The following NECTIN3 variants were observed in gnomAD, a reference collection of about 807,000 sequenced individuals.
NECTIN3 encodes the protein nectin-3.
NECTIN3 carries 8 observed loss-of-function variants against 49.4 expected under a neutral mutation model. The observed-to-expected ratio is 0.16, with a 90% CI of 0.10 to 0.29. The LOEUF (loss-of-function observed/expected upper bound fraction) is 0.29. Ranked by LOEUF, NECTIN3 falls within the 10% of genes least tolerant of loss-of-function variation. The pLI, the probability that NECTIN3 is intolerant of heterozygous loss-of-function variation, is 1.00. For missense variants in NECTIN3, 581 were observed against 654.6 expected (o/e 0.89, Z 1.23); for synonymous variants, 277 against 241.1 (o/e 1.15, Z -1.38).
chr3:111,072,054 G>A lies in NECTIN3; in HGVS notation c.37G>A (p.Gly13Arg), dbSNP rs1425515374. 3.2e-6 allele frequency: 5 copies of A among 1,547,662 alleles called. No homozygotes were observed. The highest frequency in any genetic ancestry group is 4.4e-6 in the Non-Finnish European group (5 of 1,145,558). Residue 13 changes from glycine to arginine, a missense_variant, in exon 1 of 6, where the codon GGA becomes AGA. Physicochemically the swap from Gly to Arg is moderately radical, Grantham distance 125. Transcript: ENST00000485303. The part of the protein sequence containing the change: ...RTLRPSPLCP[G>R]GGKAQLSSAS... ...CCTGCGGCCGTCCCCGCTGTGTCCT[G>A]GAGGCGGCAAAGCACAACTTTCCTC...
intron 4 of NECTIN3, among the ~76,000 whole-genome samples, chr3:111,124,344 T>C (rs1172227663): frequency 6.6e-6 from 1 of 152,190 alleles, no homozygotes; most frequent in Non-Finnish European, 1.5e-5. Flanking sequence ...ATATAAGTCA[T>C]GTAACATAGA....
At chr3:111,193,472 A>T in intron 1 of NECTIN3, 1 of 1,315,814 alleles carries the variant, frequency 7.6e-7, no homozygotes, top group South Asian at 1.4e-5. Context: ...TGTCTCTCAT[A>T]TAAGAACAGT....
intron 7 of NECTIN3, among the ~76,000 whole-genome samples, chr3:111,154,200 A>G (rs1227391041): frequency 2.6e-5 from 4 of 152,098 alleles, no homozygotes; most frequent in African/African-American, 7.2e-5. Flanking sequence ...ATCCTTGGGA[A>G]ACTAACCACT....
chr3:111,123,337 G>A (rs993539516), intron 4 of NECTIN3, among the ~76,000 whole-genome samples: 9 of 151,502 alleles, frequency 5.9e-5, no homozygotes, highest in African/African-American at 2.2e-4. Context: ...TTTATTTTTT[G>A]GTTTGGTCTT....
intron 7 of NECTIN3, among the ~76,000 whole-genome samples, chr3:111,154,858 T>C (rs2107515399): frequency 6.6e-6 from 1 of 152,294 alleles, no homozygotes; most frequent in Non-Finnish European, 1.5e-5. Flanking sequence ...TTTTGAGAGT[T>C]CTTTATATAT....
chr3:111,103,562 G>T (rs1216622674), intron 1 of NECTIN3, among the ~76,000 whole-genome samples: 1 of 151,316 alleles, frequency 6.6e-6, no homozygotes, highest in African/African-American at 2.4e-5. Context: ...GATTAGAAAG[G>T]AAGTTTTATT....
chr3:111,109,739 C>T (rs2033375554), intron 1 of NECTIN3, among the ~76,000 whole-genome samples: 1 of 151,760 alleles, frequency 6.6e-6, no homozygotes, highest in South Asian at 2.1e-4. Context: ...TTAATATTTT[C>T]CCTCTTCAGT....
At chr3:111,108,168 C>T (rs1345055287) in intron 1 of NECTIN3, among the ~76,000 whole-genome samples, 1 of 150,634 alleles carries the variant, frequency 6.6e-6, no homozygotes, top group African/African-American at 2.4e-5. Flanking sequence ...TTGATAGTTA[C>T]ATTAGTATTT....
chr3:111,188,453 T>C (rs2035759178), upstream of NECTIN3, among the ~76,000 whole-genome samples: 1 of 152,224 alleles, frequency 6.6e-6, no homozygotes, highest in African/African-American at 2.4e-5. Flanking sequence ...GTCCGATCAG[T>C]GCACATGAAG....
At chr3:111,126,143 C>G (rs758183760) in intron 4 of NECTIN3, 41 bp from the exon 5 acceptor site, 14 of 1,412,974 alleles carry the variant, frequency 9.9e-6, no homozygotes, top group Non-Finnish European at 1.3e-5. Context: ...TAAATATAGT[C>G]TGAAGATATT....
chr3:111,148,350 G>A (rs1394665373), intron 7 of NECTIN3, among the ~76,000 whole-genome samples: 1 of 152,196 alleles, frequency 6.6e-6, no homozygotes, highest in Non-Finnish European at 1.5e-5. Context: ...GGGCAGGAAG[G>A]AGCATTCCCT....
At chr3:111,078,027 A>G (rs1219785055) in intron 1 of NECTIN3, among the ~76,000 whole-genome samples, 1 of 152,194 alleles carries the variant, frequency 6.6e-6, no homozygotes, top group African/African-American at 2.4e-5. Context: ...AAATTGAGAT[A>G]TTTTACATTT....
intron 5 of NECTIN3, among the ~76,000 whole-genome samples, chr3:111,128,498 G>C (rs761915870): frequency 6.6e-6 from 1 of 151,960 alleles, no homozygotes; most frequent in Non-Finnish European, 1.5e-5. Context: ...ACTCTATGTA[G>C]TAGTCTAATA....
chr3:111,079,253 G>C (rs966295437), intron 1 of NECTIN3, among the ~76,000 whole-genome samples: 1 of 151,996 alleles, frequency 6.6e-6, no homozygotes, highest in East Asian at 1.9e-4. Flanking sequence ...TTCTAATTTA[G>C]TTGTAGCTAG....
At chr3:111,157,211 A>G (rs533694552) in intron 7 of NECTIN3, among the ~76,000 whole-genome samples, 1 of 152,140 alleles carries the variant, frequency 6.6e-6, no homozygotes, top group Non-Finnish European at 1.5e-5. Context: ...ATATTTTTCA[A>G]AACGCATTAG....
chr3:111,121,169 ATT>A (rs559875982), intron 3 of NECTIN3, among the ~76,000 whole-genome samples: 12 of 137,526 alleles, frequency 8.7e-5, no homozygotes, highest in Admixed American at 7.3e-5. Flanking sequence ...CGCCTGGCTA[ATT>A]TTTTTTTTTT....
At chr3:111,161,364 C>T (rs552335039) in intron 7 of NECTIN3, among the ~76,000 whole-genome samples, 2 of 152,194 alleles carry the variant, frequency 1.3e-5, no homozygotes, top group African/African-American at 4.8e-5. Flanking sequence ...CAGAGAATAG[C>T]CACCAGTGAG....
In NECTIN3 at chr3:111,135,959, T is replaced by C; in HGVS notation, c.*1744T>C. 1.1e-6 allele frequency: 1 copy of C among 937,418 alleles called. No homozygotes were observed. Among genetic ancestry groups the C allele is most frequent in the Non-Finnish European group, 1.3e-6 (1 of 786,688 alleles). 58.1% of individuals were successfully genotyped at this position (937,418 alleles called of 1,614,324 possible). On this transcript the variant is annotated 3_prime_UTR_variant, in exon 6 of 6. Transcript: ENST00000485303. Reference sequence around the variant, plus strand: ...TCACTTATATCTTCTTACAAATGTCTGGGTTTTAATATGGTTAATCACTTA... The same window carrying C: ...TCACTTATATCTTCTTACAAATGTCCGGGTTTTAATATGGTTAATCACTTA...
At chr3:111,160,734 G>A (rs558250451) in intron 7 of NECTIN3, among the ~76,000 whole-genome samples, 11 of 152,314 alleles carry the variant, frequency 7.2e-5, no homozygotes, top group South Asian at 2.1e-4. Flanking sequence ...GGGGCTGGGC[G>A]CAGTGGCTAA....
Sources: allele counts gnomAD v4.1 joint callset (sites outside exome capture counted in the v4.1 genomes callset), GRCh38; gene constraint gnomAD v4.1.1; transcripts MANE v1.5; gene names NCBI Gene and HGNC (gene_info 2026-07-23, HGNC 2026-07-21).